CNPY4: variants seen among roughly 807,000 people sequenced by gnomAD.
CNPY4 encodes protein canopy homolog 4.
In CNPY4, 33 loss-of-function variants were observed where a neutral mutation model predicts 30.1. The ratio of observed to expected loss-of-function variants is 1.10; its 90% CI spans 0.83 to 1.46. The LOEUF is 1.46. Among genes scored for constraint, CNPY4 ranks in the 40% most tolerant of loss-of-function variants. The probability of loss-of-function intolerance (pLI) is 0.00; values close to 1 mark genes in which losing one functional copy is unlikely to be tolerated. For missense variants in CNPY4, 324 were observed against 302.6 expected, an observed-to-expected ratio of 1.07 and a Z score of -0.52; for synonymous variants, 109 against 110.1, an observed-to-expected ratio of 0.99 and a Z score of 0.06.
chr7:100,123,228 G>C (rs529939202), intron 4 of CNPY4, among the ~76,000 whole-genome samples: 23 of 152,102 alleles, frequency 1.5e-4, no homozygotes, highest in African/African-American at 5.5e-4. Flanking sequence ...TGTGATCCCA[G>C]CTACTTGGGA....
rs575412081 is a variant in CNPY4, at chr7:100,125,107, A to G, written c.*219A>G. The G allele has an allele frequency of 9.4e-6, 5 of 531,396 alleles. No homozygotes were observed. Among genetic ancestry groups the G allele is most frequent in the African/African-American group, 7.6e-5 (4 of 52,552 alleles). The allele number at this position is 531,396 out of a possible 1,614,324, so 32.9% of individuals were successfully genotyped here. On this transcript the variant is annotated 3_prime_UTR_variant, in exon 6 of 6. Transcript: ENST00000262932. ...GTGGAGGTCCTGCTCCTAGAGATGA[A>G]CTCTATCCAGCCCCTTAATTGGCAG...
intron 4 of CNPY4, 78 bp downstream of exon 4, chr7:100,122,984 AGG>A: frequency 6.8e-7 from 1 of 1,470,794 alleles, no homozygotes; most frequent in East Asian, 2.3e-5. Context: ...GTTTGACTAT[AGG>A]GGATGTCTAC....
chr7:100,121,110 A>ATTTTTTTTTTTTT (rs1798036782), intron 1 of CNPY4: 10 of 28,368 alleles, frequency 3.5e-4, no homozygotes, highest in African/African-American at 7.0e-4. Flanking sequence ...ATATATATAT[A>ATTTTTTTTTTTTT]TATATATTTT....
intron 5 of CNPY4, 47 bp downstream of exon 5, chr7:100,124,678 C>T: frequency 6.2e-7 from 1 of 1,612,414 alleles, no homozygotes; most frequent in African/African-American, 1.3e-5. Context: ...ATAGCCTCCC[C>T]TGCCTCCAGG....
Position 100,119,808 on chromosome 7 carries a change from G to T in CNPY4, c.64G>T (p.Gly22Trp), listed in dbSNP as rs890342429. 6.2e-6 allele frequency: 10 copies of T among 1,613,994 alleles called. No individual in the cohort carries two copies. Among genetic ancestry groups the T allele is most frequent in the Admixed American group, 1.7e-5 (1 of 59,948 alleles). ...LFLAVHEAWA[G>W]MLKEEDDDTE... ...TTTGGCCGTGCACGAGGCTTGGGCTGGGATGTTGAAGGAGGAGGACGATGA... is the reference window on the plus strand; with the variant it reads ...TTTGGCCGTGCACGAGGCTTGGGCTTGGATGTTGAAGGAGGAGGACGATGA... The change falls in exon 1 of 6, where the codon GGG becomes TGG. Residue 22 changes from glycine to tryptophan, a missense_variant. Gly to Trp is a radical substitution (Grantham distance 184). Transcript: ENST00000262932.
Position 100,122,806 on chromosome 7 carries a change from C to G in CNPY4, c.365C>G (p.Thr122Arg), listed in dbSNP as rs1798110792. The G allele has an allele frequency of 6.2e-7, 1 of 1,613,724 alleles. No homozygotes were observed. Among genetic ancestry groups the G allele is most frequent in the African/African-American group, 1.3e-5 (1 of 74,886 alleles). ...CAGGGTCAGAGTCAGACCATGGCAA[C>G]ACTGAAAGGCCTAGTGCAGAAGGGG... ...YAKGQSQTMA[T>R]LKGLVQKGVK... The change falls in exon 4 of 6, where the codon ACA becomes AGA. Residue 122 changes from threonine to arginine, a missense_variant. Physicochemically the swap from Thr to Arg is moderately conservative, Grantham distance 71. Transcript: ENST00000262932.
chr7:100,122,645 C>G, intron 3 of CNPY4, 68 bp downstream of exon 3: 3 of 1,515,594 alleles, frequency 2.0e-6, no homozygotes, highest in Non-Finnish European at 1.8e-6. Context: ...TGAGGCCCTC[C>G]AGAGGTTATC....
In CNPY4 at chr7:100,124,870, TG is replaced by T. The variant is rs1421189447; in HGVS notation, c.730del (p.Asp244ThrfsTer10). 6.3e-7 allele frequency: 1 copy of T among 1,599,406 alleles called. No individual in the cohort carries two copies. The highest frequency in any genetic ancestry group is 2.2e-5 in the East Asian group (1 of 44,736). ...MTKTGSHPKLDREDL is the reference protein window; with the variant it reads ...MTKTGSHPKLXREDL ...CCAAGACAGGAAGCCACCCCAAACT[TG>T]ACCGAGAAGATCTTTGACCCTTGCC... On this transcript the variant is annotated frameshift_variant, in exon 6 of 6. Coordinates refer to ENST00000262932, the MANE Select transcript of CNPY4 (RefSeq NM_152755.2). LOFTEE classifies it high-confidence loss of function.
intron 1 of CNPY4, chr7:100,122,051 A>G: frequency 3.7e-4 from 141 of 383,938 alleles, no homozygotes; most frequent in South Asian, 7.9e-4. Context: ...GTCCGTCTGA[A>G]AAAAAAAAAA....
rs762072600 is a variant in CNPY4, at chr7:100,119,773, T to C, written c.29T>C (p.Leu10Pro). The C allele has an allele frequency of 6.8e-6, 11 of 1,614,126 alleles. No homozygotes were observed. Among genetic ancestry groups the C allele is most frequent in the Non-Finnish European group, 8.5e-6 (10 of 1,180,016 alleles). The change falls in exon 1 of 6, where the codon CTT becomes CCT. Residue 10 changes from leucine to proline, a missense_variant. Coordinates refer to ENST00000262932, the MANE Select transcript of CNPY4 (RefSeq NM_152755.2). Reference protein sequence around the residue: MGPVRLGILLFLFLAVHEAW... With the variant: MGPVRLGILPFLFLAVHEAW... Reference sequence around the variant, plus strand: ...GGACCTGTGCGGTTGGGAATATTGCTTTTCCTTTTTTTGGCCGTGCACGAG... The same window carrying C: ...GGACCTGTGCGGTTGGGAATATTGCCTTTCCTTTTTTTGGCCGTGCACGAG...
Position 100,122,280 on chromosome 7 carries a change from A to G in CNPY4, c.140A>G (p.Glu47Gly). The G allele has an allele frequency of 1.9e-6, 3 of 1,614,026 alleles. No individual in the cohort carries two copies. Among genetic ancestry groups the G allele is most frequent in the South Asian group, 1.1e-5 (1 of 91,080 alleles). ...CCAGTGTGTAAGCTGCTGAGCACAG[A>G]GCTACAGGCGGAACTGAGTCGCACC... Reference protein sequence around the residue: ...KCEVCKLLSTELQAELSRTGR... With the variant: ...KCEVCKLLSTGLQAELSRTGR... Residue 47 changes from glutamate to glycine, a missense_variant, in exon 2 of 6, where the codon GAG becomes GGG. Physicochemically the swap from Glu to Gly is moderately conservative, Grantham distance 98. Transcript: ENST00000262932.
rs774151808 is a variant in CNPY4 at position 100,119,653 on chromosome 7, G to A, written c.-92G>A. 1.9e-5 allele frequency: 30 copies of A among 1,610,364 alleles called. No individual in the cohort carries two copies. Among genetic ancestry groups the A allele is most frequent in the Non-Finnish European group, 2.5e-5 (29 of 1,178,444 alleles). The stretch of plus-strand genomic sequence containing the variant: ...GCCGACCTTCCTCGGCTGGATTTAA[G>A]GTTGCCGCTAGCCGCCTGGGAATTT... On this transcript the variant is annotated 5_prime_UTR_variant, in exon 1 of 6. Coordinates refer to ENST00000262932, the MANE Select transcript of CNPY4 (RefSeq NM_152755.2).
intron 1 of CNPY4, chr7:100,121,240 G>C (rs1464234531): frequency 1.4e-5 from 2 of 145,196 alleles, no homozygotes; most frequent in Admixed American, 1.4e-4. Flanking sequence ...CCGGGTTCAA[G>C]CGATTCTCCT....
chr7:100,123,940 C>T (rs577826451), intron 4 of CNPY4, among the ~76,000 whole-genome samples: 270 of 152,202 alleles, frequency 1.8e-3, no homozygotes, highest in South Asian at 3.7e-3. Context: ...ACCAGCCGGG[C>T]CATCATAGTG....
intron 4 of CNPY4, among the ~76,000 whole-genome samples, chr7:100,123,321 G>A (rs866149138): frequency 2.0e-5 from 3 of 150,488 alleles, no homozygotes; most frequent in Non-Finnish European, 3.0e-5. Context: ...CAGCCAGGGC[G>A]ACAGAGCAAG....
At chr7:100,124,117 A>G (rs1053854339) in intron 4 of CNPY4, among the ~76,000 whole-genome samples, 26 of 151,488 alleles carry the variant, frequency 1.7e-4, no homozygotes, top group African/African-American at 5.8e-4. Flanking sequence ...AGCCTGGGTG[A>G]CAGAGCGAGA....
chr7:100,122,908 T>TA lies in CNPY4; in HGVS notation c.465+3dup. 2 of 1,611,562 alleles carry TA rather than the reference T, an allele frequency of 1.2e-6. No individual in the cohort carries two copies. Among genetic ancestry groups the TA allele is most frequent in the Non-Finnish European group, 8.5e-7 (1 of 1,178,982 alleles). On this transcript the variant is annotated splice_region_variant and intron_variant, in intron 4 of 5. Transcript: ENST00000262932. ...GAGGTCACATACCTCAAGAAGCAGG[T>TA]AGGATAAGACACTGCACCATCCAGG...
At chr7:100,121,137 T>A (rs1158672854) in intron 1 of CNPY4, 24 of 106,500 alleles carry the variant, frequency 2.3e-4, no homozygotes, top group South Asian at 3.9e-4. Context: ...TTTTTTTTTT[T>A]TTTTTTTTTT....
At chr7:100,121,867 G>T (rs375581987) in intron 1 of CNPY4, among the ~76,000 whole-genome samples, 1 of 145,766 alleles carries the variant, frequency 6.9e-6, no homozygotes, top group Non-Finnish European at 1.5e-5. Context: ...TGGCTAACAC[G>T]GTGAAACCCT....
Sources: allele counts gnomAD v4.1 joint callset (sites outside exome capture counted in the v4.1 genomes callset), GRCh38; gene constraint gnomAD v4.1.1; transcripts MANE v1.5; gene names NCBI Gene and HGNC (gene_info 2026-07-23, HGNC 2026-07-21).